The following RPS6KA2 variants were observed in gnomAD, a reference collection of about 807,000 sequenced individuals.
RPS6KA2 encodes the protein ribosomal protein S6 kinase alpha-2.
RPS6KA2 carries 42 observed loss-of-function variants against 91.8 expected under a neutral mutation model. That is an observed-to-expected ratio of 0.46 (90% confidence interval 0.36 to 0.59). The LOEUF is 0.59. RPS6KA2 is among the 20% of genes least tolerant of loss of function. The pLI is 0.00. For missense variants in RPS6KA2, 798 were observed against 978.5 expected (o/e 0.82, Z 2.46); for synonymous variants, 414 against 393.6 (o/e 1.05, Z -0.61).
chr6:166,616,463 C>T (rs1168031374), intron 1 of RPS6KA2, among the ~76,000 whole-genome samples: 2 of 152,198 alleles, frequency 1.3e-5, no homozygotes, highest in East Asian at 1.9e-4. Context: ...TCAACCGAGT[C>T]GCTCCTGTCC....
intron 1 of RPS6KA2, among the ~76,000 whole-genome samples, chr6:166,540,367 A>G (rs1783615722): frequency 6.6e-6 from 1 of 152,256 alleles, no homozygotes; most frequent in Non-Finnish European, 1.5e-5. Flanking sequence ...GCAGTTATCC[A>G]TGGCTTTTCC....
At chr6:166,748,535 G>GC (rs1321145693) in intron 2 of RPS6KA2, among the ~76,000 whole-genome samples, 1 of 142,716 alleles carries the variant, frequency 7.0e-6, no homozygotes, top group Non-Finnish European at 1.6e-5. Context: ...ACCTCCTCGG[G>GC]CCCCCCATCC....
intron 2 of RPS6KA2, among the ~76,000 whole-genome samples, chr6:166,799,248 C>T (rs1200503476): frequency 2.0e-5 from 3 of 152,284 alleles, no homozygotes; most frequent in South Asian, 2.1e-4. Context: ...TCCCCAGCAT[C>T]GCTGATATTG....
intron 11 of RPS6KA2, among the ~76,000 whole-genome samples, chr6:166,467,155 CTCAT>C (rs1468912990): frequency 6.6e-6 from 1 of 151,856 alleles, no homozygotes; most frequent in Non-Finnish European, 1.5e-5. Flanking sequence ...CATTCACTCA[CTCAT>C]TAACTCACTC....
intron 10 of RPS6KA2, among the ~76,000 whole-genome samples, chr6:166,473,198 T>A (rs990497603): frequency 2.0e-5 from 3 of 151,674 alleles, no homozygotes; most frequent in African/African-American, 7.3e-5. Context: ...TGAATGGATT[T>A]TTTTTTTTAT....
exon 1 of RPS6KA2, chr6:166,862,208 G>T (rs779238771): frequency 1.9e-6 from 3 of 1,613,820 alleles, no homozygotes; most frequent in African/African-American, 1.3e-5. Context: ...AGTATTGATA[G>T]TAGGAAAGGA....
chr6:166,745,150 T>G (rs867349253), intron 2 of RPS6KA2, among the ~76,000 whole-genome samples: 2 of 140,276 alleles, frequency 1.4e-5, no homozygotes, highest in Non-Finnish European at 1.5e-5. Context: ...TAATCGGCCT[T>G]TTTTTTTTTT....
At chr6:166,643,837 G>C (rs1787524550) in intron 2 of RPS6KA2, among the ~76,000 whole-genome samples, 1 of 152,190 alleles carries the variant, frequency 6.6e-6, no homozygotes, top group South Asian at 2.1e-4. Context: ...TTCTTAGATG[G>C]GAATACTTAC....
Position 166,423,110 on chromosome 6 carries a change from G to T in RPS6KA2, c.1743+146C>A, listed in dbSNP as rs2128441679. On this transcript the variant is annotated intron_variant, in intron 17 of 20. Transcript: ENST00000265678. This position sits in a 1 kb window ranked among gnomAD's most constrained non-coding sequence, Gnocchi z 4.8. ...TGGCCCCTGGCTCAAGAGACTGAAG[G>T]TTCTCGTTTCTGTTTCCCAACACCA... 1 of 720,002 alleles carries T rather than the reference G, an allele frequency of 1.4e-6. No homozygotes were observed. The highest frequency in any genetic ancestry group is 2.2e-6 in the Non-Finnish European group (1 of 454,766). The allele number at this position is 720,002 out of a possible 1,614,324, so 44.6% of individuals were successfully genotyped here. A position where few individuals can be genotyped will look rare whatever the true frequency, so the allele number is the denominator to read the frequency against.
At chr6:166,834,676 T>C (rs956863114) in intron 2 of RPS6KA2, among the ~76,000 whole-genome samples, 3 of 152,218 alleles carry the variant, frequency 2.0e-5, no homozygotes, top group Admixed American at 2.0e-4. Context: ...GTTGTCTTCT[T>C]ATTTTCTAGT....
chr6:166,473,489 T>C (rs1780847660), intron 10 of RPS6KA2, among the ~76,000 whole-genome samples: 1 of 152,148 alleles, frequency 6.6e-6, no homozygotes, highest in Non-Finnish European at 1.5e-5. Flanking sequence ...ACTGCACGGA[T>C]GATTTATTCT....
rs973808984 is a variant in RPS6KA2 at position 166,445,957 on chromosome 6, G to C, written c.1332+2767C>G. ...ATGTTAGAAGTCACCGAACTTTGCT[G>C]TTTCTTAGTCCATCAATAGGTGGGG... On this transcript the variant is annotated intron_variant, in intron 14 of 20. Coordinates refer to ENST00000265678, the MANE Select transcript of RPS6KA2 (RefSeq NM_021135.6). This position sits in a 1 kb window ranked among gnomAD's most constrained non-coding sequence, Gnocchi z 4.5. 2.6e-5 allele frequency among the ~76,000 whole-genome samples: 4 copies of C among 152,236 alleles called. No homozygotes were observed. The highest frequency in any genetic ancestry group is 9.6e-5 in the African/African-American group (4 of 41,464).
intron 2 of RPS6KA2, among the ~76,000 whole-genome samples, chr6:166,657,115 C>A (rs1313280391): frequency 6.6e-6 from 1 of 152,120 alleles, no homozygotes; most frequent in African/African-American, 2.4e-5. Flanking sequence ...TGCGGAGCAC[C>A]AGCCGCACCT....
rs1790580401 is a variant in RPS6KA2, at chr6:166,733,139, A to C, written c.123+125061T>G. ...ACTCAGGGCCATGCCAAACCATTGCACATCATTTTGAGCCTTCAGAACATG... is the reference window on the plus strand; with the variant it reads ...ACTCAGGGCCATGCCAAACCATTGCCCATCATTTTGAGCCTTCAGAACATG... On this transcript the variant is annotated intron_variant, in intron 2 of 21. Transcript: ENST00000503859. The surrounding 1 kb of genome is among the most constrained non-coding windows in gnomAD (Gnocchi z 4.1). Among the ~76,000 whole-genome samples the C allele has an allele frequency of 6.6e-6, 1 of 152,164 alleles. No homozygotes were observed. Among genetic ancestry groups the C allele is most frequent in the Non-Finnish European group, 1.5e-5 (1 of 68,016 alleles).
intron 1 of RPS6KA2, among the ~76,000 whole-genome samples, chr6:166,569,444 T>C (rs1445292549): frequency 6.6e-6 from 1 of 152,238 alleles, no homozygotes; most frequent in African/African-American, 2.4e-5. Context: ...TCTCTTTCTG[T>C]AGAAGAACCT....
intron 2 of RPS6KA2, among the ~76,000 whole-genome samples, chr6:166,634,070 G>A (rs961650764): frequency 2.0e-5 from 3 of 152,182 alleles, no homozygotes; most frequent in Non-Finnish European, 4.4e-5. Context: ...CAGGCAGAGG[G>A]AATGACGTTT....
intron 2 of RPS6KA2, among the ~76,000 whole-genome samples, chr6:166,667,702 A>G (rs894017763): frequency 4.6e-5 from 7 of 152,216 alleles, no homozygotes; most frequent in African/African-American, 1.7e-4. Context: ...ATCACGAGCC[A>G]AAGAAGGTAA....
intron 1 of RPS6KA2, among the ~76,000 whole-genome samples, chr6:166,617,832 G>C (rs1304962382): frequency 1.3e-5 from 2 of 152,250 alleles, no homozygotes; most frequent in East Asian, 3.8e-4. Context: ...GCTGTCTGTG[G>C]CTGCCGAGCA....
intron 2 of RPS6KA2, among the ~76,000 whole-genome samples, chr6:166,712,766 C>A (rs971632786): frequency 2.6e-5 from 4 of 152,202 alleles, no homozygotes; most frequent in Non-Finnish European, 4.4e-5. Context: ...AGGGTTCTGC[C>A]TTCCCGGCGC....
Sources: gnomAD v4.1 joint callset for allele counts (sites outside exome capture counted in the v4.1 genomes callset) on GRCh38, gnomAD v4.1.1 for gene constraint, Gnocchi (gnomAD v3.1) non-coding constraint, MANE v1.5 for transcripts, NCBI Gene and HGNC (gene_info 2026-07-23, HGNC 2026-07-21) for gene names.